Variants in NOS3 observed in about 807,000 individuals in gnomAD.
The protein encoded by NOS3 is NOS type III.
A neutral mutation model predicts 144.9 loss-of-function variants in NOS3; 98 were observed. That is an observed-to-expected ratio of 0.68 (90% CI 0.57 to 0.80). The LOEUF is 0.80. NOS3 is among the 30% of genes least tolerant of loss of function. The probability of loss-of-function intolerance (pLI) is 0.00; values close to 1 mark genes in which losing one functional copy is unlikely to be tolerated. For synonymous variants in NOS3, 714 were observed against 702.4 expected, an observed-to-expected ratio of 1.02 and a Z score of -0.26; for missense variants, 1,465 against 1,656.4, an observed-to-expected ratio of 0.88 and a Z score of 2.01.
intron 8 of NOS3, 48 bp from the exon 9 acceptor site, chr7:150,999,142 A>G: frequency 6.2e-7 from 1 of 1,611,492 alleles, no homozygotes; most frequent in South Asian, 1.1e-5. Context: ...TGAGCCTCTC[A>G]AGAAGGGCCT....
At position 150,996,848 on chromosome 7, in the gene NOS3, G is replaced by A. The variant is rs765854160; in HGVS notation, c.505G>A (p.Glu169Lys). The change falls in exon 5 of 27, where the codon GAG (glutamate) becomes AAG (lysine). Residue 169 changes from glutamate (E) to lysine (K), a missense_variant. By Grantham distance (56) the Glu-to-Lys change is moderately conservative. This residue lies in a region of NOS3 where 374 missense variants were observed against 377.0 expected (regional missense o/e 0.99). Transcript: ENST00000297494. ...ATGTYQLRES[E>K]LVFGAKQAWR... ...AGGCACCTACCAGCTTAGGGAGAGC[G>A]AGCTGGTGTTCGGGGCTAAGCAGGC... 6.2e-6 allele frequency: 10 copies of A among 1,605,978 alleles called. No individual in the cohort carries two copies. The highest frequency in any genetic ancestry group is 1.1e-5 in the South Asian group (1 of 89,554).
In NOS3 at chr7:151,010,603, C is replaced by A. The variant is rs1359984100; in HGVS notation, c.2692C>A (p.Arg898=). ...QELEALSQDP[R]RYEEWKWFRC... is the part of the protein sequence containing the mutation. ...CTGCATCCTGCCCCGCCAGGATCCC[C>A]GACGCTACGAGGAGTGGAAGTGGTT... The change falls in exon 22 of 27, where the codon CGA becomes AGA. Residue 898 remains arginine, a synonymous_variant. Transcript: ENST00000297494. The A allele has an allele frequency of 1.9e-6, 3 of 1,588,046 alleles. No homozygotes were observed. The highest frequency in any genetic ancestry group is 1.9e-4 in the Middle Eastern group (1 of 5,350).
At position 151,007,219 on chromosome 7, in the gene NOS3, C is replaced by T. The variant is rs745673605; in HGVS notation, c.2055C>T (p.Gly685=). The stretch of plus-strand genomic sequence containing the variant: ...AGCGGCTGCTGCAGCTGGGCCAGGG[C>T]GACGAGCTGTGCGGCCAGGAGGAGG... ...GGERLLQLGQ[G]DELCGQEEAF... is the part of the protein sequence containing the mutation. The change falls in exon 17 of 27, where the codon GGC becomes GGT. Residue 685 remains glycine, a synonymous_variant. Coordinates refer to ENST00000297494, the MANE Select transcript of NOS3 (RefSeq NM_000603.5). The T allele has an allele frequency of 3.1e-6, 5 of 1,610,402 alleles. No homozygotes were observed. Among genetic ancestry groups the T allele is most frequent in the East Asian group, 2.2e-5 (1 of 44,876 alleles).
rs933438608 is a variant in NOS3, at chr7:151,014,576, C to T, written c.*407C>T. On this transcript the variant is annotated 3_prime_UTR_variant, in exon 27 of 27. Coordinates refer to ENST00000297494, the MANE Select transcript of NOS3 (RefSeq NM_000603.5). Reference sequence around the variant, plus strand: ...GATGTTAGGAGAACTACTAAAGTGCCTACCCCAGCTCATGTGGATTACAGT... The same window carrying T: ...GATGTTAGGAGAACTACTAAAGTGCTTACCCCAGCTCATGTGGATTACAGT... The T allele has an allele frequency of 1.1e-5, 2 of 181,698 alleles. No individual in the cohort carries two copies. Among genetic ancestry groups the T allele is most frequent in the African/African-American group, 4.7e-5 (2 of 42,372 alleles). 11.3% of individuals were successfully genotyped at this position (181,698 alleles called of 1,614,324 possible). A position where few individuals can be genotyped will look rare whatever the true frequency, so the allele number is the denominator to read the frequency against.
At chr7:151,011,047 G>A in intron 23 of NOS3, 61 bp downstream of exon 23, 1 of 1,182,210 alleles carries the variant, frequency 8.5e-7, no homozygotes, top group Non-Finnish European at 1.2e-6. Flanking sequence ...GCTTTGGTGA[G>A]GAGTGTCACT....
rs1287075410 is a variant in NOS3 at position 150,996,480 on chromosome 7, G to GC, written c.353dup (p.Ala119GlyfsTer3). ...AAACTACAGGGCCGGCCCTCCCCCG[G>GC]CCCCCCGGCCCCTGAGCAGCTGCTG... On this transcript the variant is annotated frameshift_variant, in exon 4 of 27. Transcript: ENST00000297494. LOFTEE classifies it high-confidence loss of function. 15 of 1,596,940 alleles carry GC rather than the reference G, an allele frequency of 9.4e-6. No homozygotes were observed. Among genetic ancestry groups the GC allele is most frequent in the African/African-American group, 5.5e-5 (4 of 72,552 alleles).
Position 151,002,036 on chromosome 7 carries a change from G to T in NOS3, c.1647+71G>T. 1 of 1,576,488 alleles carries T rather than the reference G, an allele frequency of 6.3e-7. No homozygotes were observed. Among genetic ancestry groups the T allele is most frequent in the Middle Eastern group, 1.7e-4 (1 of 5,948 alleles). On this transcript the variant is annotated intron_variant, in intron 13 of 26. Transcript: ENST00000297494. This position sits in a 1 kb window ranked among gnomAD's most constrained non-coding sequence, Gnocchi z 4.1. ...TATCAGCATCTTCAGGGGTGCCCTG[G>T]AGGACAGGAAGTGTTACAAGTCAGG...
Position 151,012,347 on chromosome 7 carries a change from C to T in NOS3, c.2985-4C>T. ...GGGACCTGATGGAGTGTCTCTCCTG[C>T]CAGGGCTCCCTCCTTCCGGCTGCCA... On this transcript the variant is annotated splice_polypyrimidine_tract_variant and splice_region_variant and intron_variant, in intron 23 of 26. Transcript: ENST00000297494. 1 of 1,555,086 alleles carries T rather than the reference C, an allele frequency of 6.4e-7. No individual in the cohort carries two copies. The highest frequency in any genetic ancestry group is 1.2e-5 in the South Asian group (1 of 84,360).
At chr7:151,007,512 C>T (rs1463268030) in intron 17 of NOS3, among the ~76,000 whole-genome samples, 3 of 152,188 alleles carry the variant, frequency 2.0e-5, no homozygotes, top group Non-Finnish European at 4.4e-5. Context: ...GCAGGCAGGG[C>T]CCTGGCAGGA....
Position 151,014,102 on chromosome 7 carries a change from A to T in NOS3, c.3545A>T (p.Glu1182Val). Residue 1182 changes from glutamate to valine, a missense_variant, in exon 27 of 27, where the codon GAG becomes GTG. Glu to Val is a moderately radical substitution (Grantham distance 121). Transcript: ENST00000297494. ...RIRTQSFSLQERQLRGAVPWA... is the reference protein window; with the variant it reads ...RIRTQSFSLQVRQLRGAVPWA... ...CGCACCCAGAGCTTTTCCTTGCAGGAGCGTCAGTTGCGGGGCGCAGTGCCC... is the reference window on the plus strand; with the variant it reads ...CGCACCCAGAGCTTTTCCTTGCAGGTGCGTCAGTTGCGGGGCGCAGTGCCC... The T allele has an allele frequency of 1.9e-6, 3 of 1,613,658 alleles. No individual in the cohort carries two copies. Among genetic ancestry groups the T allele is most frequent in the Non-Finnish European group, 2.5e-6 (3 of 1,179,816 alleles).
chr7:151,013,679 G>T, intron 25 of NOS3, 45 bp from the exon 26 acceptor site: 1 of 738,132 alleles, frequency 1.4e-6, no homozygotes, highest in Non-Finnish European at 2.2e-6. Flanking sequence ...CTGCGCCCCC[G>T]CGCCCACCCC....
At chr7:150,997,514 C>T (rs758742033) in intron 5 of NOS3, among the ~76,000 whole-genome samples, 1 of 152,190 alleles carries the variant, frequency 6.6e-6, no homozygotes, top group Non-Finnish European at 1.5e-5. Context: ...TCGGGGCTGG[C>T]CTTAGTTACT....
In NOS3 at chr7:151,014,232, C is replaced by T. The variant is rs1436180897; in HGVS notation, c.*63C>T. The stretch of plus-strand genomic sequence containing the variant: ...GCTGCCCGACTCAGGTCCGCCCGAC[C>T]AGGATCAGCCCCGCTCCTCCCCTCT... On this transcript the variant is annotated 3_prime_UTR_variant, in exon 27 of 27. Transcript: ENST00000297494. 3 of 1,486,996 alleles carry T rather than the reference C, an allele frequency of 2.0e-6. No homozygotes were observed. The highest frequency in any genetic ancestry group is 1.9e-5 in the Admixed American group (1 of 51,392). The allele number at this position is 1,486,996 out of a possible 1,614,324, so 92.1% of individuals were successfully genotyped here. A position where few individuals can be genotyped will look rare whatever the true frequency, so the allele number is the denominator to read the frequency against.
intron 21 of NOS3, 30 bp downstream of exon 21, chr7:151,010,317 G>T (rs1446586381): frequency 1.9e-6 from 3 of 1,590,232 alleles, no homozygotes; most frequent in Non-Finnish European, 2.6e-6. Flanking sequence ...AGGCACAGGG[G>T]CTAGAGAGAC....
At chr7:151,011,748 G>A (rs912469687) in intron 23 of NOS3, 2 of 340,472 alleles carry the variant, frequency 5.9e-6, no homozygotes, top group Non-Finnish European at 5.9e-6. Context: ...CTGGTCTCGA[G>A]CTCCTGACCT....
chr7:151,013,712 G>C lies in NOS3; in HGVS notation c.3256-12G>C, dbSNP rs77325852. The stretch of plus-strand genomic sequence containing the variant: ...CCCCACCAGGGCCCGCCCTAACCCC[G>C]CCGCCCCGCAGACCTACGTGCAGGA... On this transcript the variant is annotated splice_polypyrimidine_tract_variant and intron_variant, in intron 25 of 26. Coordinates refer to ENST00000297494, the MANE Select transcript of NOS3 (RefSeq NM_000603.5). 2 of 1,157,318 alleles carry C rather than the reference G, an allele frequency of 1.7e-6. No individual in the cohort carries two copies. The highest frequency in any genetic ancestry group is 1.3e-6 in the Non-Finnish European group (1 of 798,480). 71.7% of individuals were successfully genotyped at this position (1,157,318 alleles called of 1,614,324 possible).
In NOS3 at chr7:151,010,962, A is replaced by C; in HGVS notation, c.2960A>C (p.Asp987Ala). The change falls in exon 23 of 27, where the codon GAC becomes GCC. Residue 987 changes from aspartate to alanine, a missense_variant. Physicochemically the swap from Asp to Ala is moderately radical, Grantham distance 126 (BLOSUM62 -2). This residue lies in a region of NOS3 where 106 missense variants were observed against 167.7 expected (regional missense o/e 0.63). Coordinates refer to ENST00000297494, the MANE Select transcript of NOS3 (RefSeq NM_000603.5). ...STWLSQLKPG[D>A]PVPCFIRGAP... ...TGGCTAAGCCAGCTCAAGCCCGGAG[A>C]CCCTGTGCCCTGCTTCATCCGGGGG... 6.2e-7 allele frequency: 1 copy of C among 1,613,690 alleles called. No homozygotes were observed.
At chr7:151,011,419 T>C (rs1205826853) in intron 23 of NOS3, among the ~76,000 whole-genome samples, 2 of 151,322 alleles carry the variant, frequency 1.3e-5, no homozygotes, top group South Asian at 2.1e-4. Flanking sequence ...TTTTGGTTTT[T>C]TTTTCCCCCA....
chr7:151,013,986 C>G (rs774553313), intron 26 of NOS3, 22 bp from the exon 27 acceptor site: 2 of 1,608,884 alleles, frequency 1.2e-6, no homozygotes, highest in African/African-American at 2.7e-5. Flanking sequence ...GGGTTCTGAT[C>G]CACTGTGCTC....
Sources: allele counts gnomAD v4.1 joint callset (sites outside exome capture counted in the v4.1 genomes callset), GRCh38; gene constraint gnomAD v4.1.1; regional missense constraint gnomAD v4.1.1; non-coding constraint Gnocchi (gnomAD v3.1); transcripts MANE v1.5; gene names NCBI Gene and HGNC (gene_info 2026-07-23, HGNC 2026-07-21).